The following FHIT variants were observed in gnomAD, a reference collection of about 807,000 sequenced individuals.
The protein encoded by FHIT is bis(5'-adenosyl)-triphosphatase.
A neutral mutation model predicts 17.9 loss-of-function variants in FHIT; 19 were observed. The observed-to-expected ratio is 1.06, with a 90% CI of 0.74 to 1.56. The LOEUF is 1.56. Among genes scored for constraint, FHIT ranks in the 40% most tolerant of loss-of-function variants. The pLI is 0.00. For synonymous variants in FHIT, 81 were observed against 69.7 expected, an observed-to-expected ratio of 1.16 and a Z score of -0.81; for missense variants, 248 against 189.2, an observed-to-expected ratio of 1.31 and a Z score of -1.82.
At chr3:60,612,770 T>C (rs1576970718) in intron 4 of FHIT, among the ~76,000 whole-genome samples, 1 of 152,146 alleles carries the variant, frequency 6.6e-6, no homozygotes, top group Non-Finnish European at 1.5e-5. Context: ...GATAAACAAA[T>C]GCATGCCACA....
intron 3 of FHIT, among the ~76,000 whole-genome samples, chr3:60,994,439 T>C (rs1173350372): frequency 1.3e-5 from 2 of 152,204 alleles, no homozygotes; most frequent in African/African-American, 4.8e-5. Flanking sequence ...AAGAAAAACA[T>C]GCACAGTCCT....
chr3:60,529,039 C>G (rs1314686845), intron 5 of FHIT, among the ~76,000 whole-genome samples: 1 of 152,198 alleles, frequency 6.6e-6, no homozygotes, highest in Non-Finnish European at 1.5e-5. Context: ...TATTTAAAGC[C>G]TGTAGTAGAA....
Position 60,544,830 on chromosome 3 carries a change from C to G in FHIT, c.-17-7851G>C, listed in dbSNP as rs113126452. On this transcript the variant is annotated intron_variant, in intron 4 of 9. Transcript: ENST00000492590. Reference sequence around the variant, plus strand: ...CAGGCTGGTCTCGAACTCCTAACCTCAAGTAATCCACCTGCCTCAGCCTCC... The same window carrying G: ...CAGGCTGGTCTCGAACTCCTAACCTGAAGTAATCCACCTGCCTCAGCCTCC... 4.5e-4 allele frequency among the ~76,000 whole-genome samples: 68 copies of G among 152,238 alleles called. 2 individuals are homozygous for G. In the East Asian group the frequency reaches 7.7e-3, roughly 17 times the overall value.
intron 4 of FHIT, among the ~76,000 whole-genome samples, chr3:60,563,039 G>A (rs1415852955): frequency 6.6e-6 from 1 of 152,292 alleles, no homozygotes; most frequent in East Asian, 1.9e-4. Flanking sequence ...CTAGCCTTTG[G>A]AAGTTTTTAG....
chr3:61,228,050 C>A (rs1404721606), intron 1 of FHIT, among the ~76,000 whole-genome samples: 2 of 152,050 alleles, frequency 1.3e-5, no homozygotes, highest in Non-Finnish European at 2.9e-5. Context: ...TACTTTAAAG[C>A]AATACAGTGT....
At chr3:59,936,006 G>T (rs1706219352) in intron 7 of FHIT, among the ~76,000 whole-genome samples, 1 of 152,088 alleles carries the variant, frequency 6.6e-6, no homozygotes, top group Admixed American at 6.6e-5. Flanking sequence ...TGAAGTTCTT[G>T]TGTTTCTAGC....
chr3:60,667,079 T>C (rs1553692620), intron 4 of FHIT, among the ~76,000 whole-genome samples: 2 of 139,774 alleles, frequency 1.4e-5, no homozygotes, highest in Non-Finnish European at 3.1e-5. Context: ...CCATTTTGCC[T>C]AGGCTGGTCT....
intron 1 of FHIT, among the ~76,000 whole-genome samples, chr3:61,213,542 C>T (rs1288447674): frequency 6.6e-6 from 1 of 152,132 alleles, no homozygotes; most frequent in Non-Finnish European, 1.5e-5. Context: ...CTTAGACTCC[C>T]ACACAATAAG....
At chr3:59,986,935 G>C (rs1481818747) in intron 7 of FHIT, among the ~76,000 whole-genome samples, 1 of 114,200 alleles carries the variant, frequency 8.8e-6, no homozygotes, top group Non-Finnish European at 1.7e-5. Flanking sequence ...CGTATGTATA[G>C]GATTTATATA....
intron 4 of FHIT, among the ~76,000 whole-genome samples, chr3:60,607,319 G>A (rs2038638548): frequency 6.6e-6 from 1 of 151,980 alleles, no homozygotes; most frequent in Admixed American, 6.6e-5. Context: ...GATGGTCTCA[G>A]GGAACTAAAC....
At chr3:61,061,069 G>A (rs2034410591) in intron 2 of FHIT, among the ~76,000 whole-genome samples, 4 of 152,126 alleles carry the variant, frequency 2.6e-5, no homozygotes, top group Admixed American at 2.6e-4. Flanking sequence ...GCCCTTTGAT[G>A]AACTATATAT....
chr3:60,222,816 G>A (rs139468944), intron 5 of FHIT, among the ~76,000 whole-genome samples: 1,793 of 152,210 alleles, frequency 0.012, 25 homozygotes, highest in Non-Finnish European at 0.019. Flanking sequence ...CAGGAGAACT[G>A]CTTGAACTCG....
chr3:60,780,344 T>C (rs781942502), intron 4 of FHIT, among the ~76,000 whole-genome samples: 1 of 152,144 alleles, frequency 6.6e-6, no homozygotes, highest in Non-Finnish European at 1.5e-5. Context: ...TTCCCAAACC[T>C]TAAACTGGTT....
chr3:60,846,660 C>T (rs1223914765), intron 3 of FHIT, among the ~76,000 whole-genome samples: 4 of 152,182 alleles, frequency 2.6e-5, no homozygotes, highest in Non-Finnish European at 5.9e-5. Flanking sequence ...CTTTAAGAAA[C>T]TAGCAAATCT....
At position 60,940,158 on chromosome 3, in the gene FHIT, T is replaced by A. The variant is rs546248375; in HGVS notation, c.-111+101889A>T. Among the ~76,000 whole-genome samples the A allele has an allele frequency of 3.9e-5, 6 of 152,276 alleles. No homozygotes were observed. The East Asian group carries it at 9.6e-4, about 24-fold the overall frequency. ...GGGATAAAGACTGGGTGATTTATCA[T>A]AGTTTTATGCTCCTTTAATCTGCTC... On this transcript the variant is annotated intron_variant, in intron 3 of 9. Transcript: ENST00000492590.
intron 5 of FHIT, among the ~76,000 whole-genome samples, chr3:60,357,589 T>A (rs996215726): frequency 6.6e-6 from 1 of 152,136 alleles, no homozygotes; most frequent in Non-Finnish European, 1.5e-5. Context: ...TGATGATTTC[T>A]TGACAAAGTT....
chr3:61,118,393 G>T lies in FHIT; in HGVS notation c.-163-76294C>A, dbSNP rs375926690. Among the ~76,000 whole-genome samples, 5 of 112,780 alleles carry T rather than the reference G, an allele frequency of 4.4e-5. No individual in the cohort carries two copies. In the South Asian group the frequency reaches 1.6e-3, roughly 36 times the overall value. The allele number at this position is 112,780 out of a possible 152,430, so 74.0% of individuals were successfully genotyped here. ...GCAAGAAGGACCCATGTTCACTGGAGGATCTTTTTGGAGCTGTAACGAAAG... is the reference window on the plus strand; with the variant it reads ...GCAAGAAGGACCCATGTTCACTGGATGATCTTTTTGGAGCTGTAACGAAAG... On this transcript the variant is annotated intron_variant, in intron 2 of 9. Coordinates refer to ENST00000492590, the MANE Select transcript of FHIT (RefSeq NM_002012.4).
intron 5 of FHIT, among the ~76,000 whole-genome samples, chr3:60,157,852 G>A (rs1221276567): frequency 6.6e-6 from 1 of 152,010 alleles, no homozygotes; most frequent in Admixed American, 6.5e-5. Context: ...TGTTATGGGT[G>A]ACCCCAGATC....
chr3:61,061,706 G>A (rs895175533), intron 2 of FHIT, among the ~76,000 whole-genome samples: 4 of 151,996 alleles, frequency 2.6e-5, no homozygotes, highest in African/African-American at 4.8e-5. Flanking sequence ...ATTGTCCCTC[G>A]GGAGGAATAT....
Sources: allele counts gnomAD v4.1 joint callset (sites outside exome capture counted in the v4.1 genomes callset), GRCh38; gene constraint gnomAD v4.1.1; transcripts MANE v1.5; gene names NCBI Gene and HGNC (gene_info 2026-07-23, HGNC 2026-07-21).